The following ATR variants were observed in gnomAD, a reference collection of about 807,000 sequenced individuals.
The protein encoded by ATR is ATR checkpoint kinase.
ATR carries 142 observed loss-of-function variants against 305.3 expected under a neutral mutation model. The observed-to-expected ratio is 0.47, with a 90% CI of 0.41 to 0.53. The LOEUF is 0.53. ATR is among the 20% of genes least tolerant of loss of function. The pLI, the probability that ATR is intolerant of heterozygous loss-of-function variation, is 0.00. For synonymous variants in ATR, 1,050 were observed against 1,068.1 expected, an observed-to-expected ratio of 0.98 and a Z score of 0.33; for missense variants, 2,135 against 3,133.1, an observed-to-expected ratio of 0.68 and a Z score of 7.60.
At chr3:142,550,936 C>T (rs1330959441) in intron 13 of ATR, among the ~76,000 whole-genome samples, 2 of 151,960 alleles carry the variant, frequency 1.3e-5, no homozygotes, top group South Asian at 2.1e-4. Flanking sequence ...TACAGATGCC[C>T]GCCCCATGCC....
intron 36 of ATR, among the ~76,000 whole-genome samples, chr3:142,470,935 T>C (rs1396499756): frequency 1.3e-5 from 2 of 152,296 alleles, no homozygotes; most frequent in Middle Eastern, 3.4e-3. Context: ...TGGTAAAACA[T>C]ACATAACATA....
intron 21 of ATR, among the ~76,000 whole-genome samples, chr3:142,531,189 G>A (rs1477563646): frequency 1.3e-5 from 2 of 152,136 alleles, no homozygotes; most frequent in East Asian, 3.8e-4. Context: ...AAATTCAGAT[G>A]TAGGCATCCA....
At position 142,553,866 on chromosome 3, in the gene ATR, T is replaced by C. The variant is rs778414220; in HGVS notation, c.2491A>G (p.Ile831Val). 4.2e-5 allele frequency: 67 copies of C among 1,613,554 alleles called. No individual in the cohort carries two copies. The highest frequency in any genetic ancestry group is 5.1e-5 in the Non-Finnish European group (60 of 1,179,774). The change falls in exon 11 of 47, where the codon ATA becomes GTA. Residue 831 changes from isoleucine (I) to valine (V), a missense_variant. By Grantham distance (29) the Ile-to-Val change is conservative. This residue lies in a region of ATR where 530 missense variants were observed against 766.8 expected (regional missense o/e 0.69). Coordinates refer to ENST00000350721, the MANE Select transcript of ATR (RefSeq NM_001184.4). ...TCTTCAGAGTCCAAGGATTCCAATA[T>C]GTGCTTGATATTTCCACTAAAAGCC... Reference protein sequence around the residue: ...RVAFSGNIKHILESLDSEDGF... With the variant: ...RVAFSGNIKHVLESLDSEDGF...
chr3:142,553,881 C>G lies in ATR; in HGVS notation c.2476G>C (p.Gly826Arg), dbSNP rs745529495. ...GATTCCAATATGTGCTTGATATTTC[C>G]ACTAAAAGCCACTCTAACATCTTTG... ...PDKDVRVAFSGNIKHILESLD... is the reference protein window; with the variant it reads ...PDKDVRVAFSRNIKHILESLD... The change falls in exon 11 of 47, where the codon GGA (glycine) becomes CGA (arginine). Residue 826 changes from glycine to arginine, a missense_variant. Coordinates refer to ENST00000350721, the MANE Select transcript of ATR (RefSeq NM_001184.4). 6.2e-7 allele frequency: 1 copy of G among 1,613,420 alleles called. No homozygotes were observed. The highest frequency in any genetic ancestry group is 1.3e-5 in the African/African-American group (1 of 75,020).
intron 13 of ATR, among the ~76,000 whole-genome samples, chr3:142,553,019 G>A (rs2034533555): frequency 6.6e-6 from 1 of 152,072 alleles, no homozygotes; most frequent in African/African-American, 2.4e-5. Context: ...TTATACCTAG[G>A]TGATGAGATG....
intron 23 of ATR, 146 bp downstream of exon 23, chr3:142,522,582 T>C: frequency 2.7e-6 from 2 of 741,750 alleles, no homozygotes; most frequent in East Asian, 2.7e-5. Context: ...GGTATGCTTC[T>C]GTACTCTAAA....
rs766396565 is a variant in ATR at position 142,553,948 on chromosome 3, T to A, written c.2409A>T (p.Lys803Asn). Residue 803 changes from lysine (K) to asparagine (N), a missense_variant, in exon 11 of 47, where the codon AAA (lysine) becomes AAT (asparagine). By Grantham distance (94) the Lys-to-Asn change is moderately conservative. This residue lies in a region of ATR where 530 missense variants were observed against 766.8 expected (regional missense o/e 0.69). Coordinates refer to ENST00000350721, the MANE Select transcript of ATR (RefSeq NM_001184.4). ...AATTTAATAAAGTTCCAAGAACTGC[T>A]TTTACATCTGTTTCATCTTCTCTAA... ...LDFREDETDVKAVLGTLLNLM... is the reference protein window; with the variant it reads ...LDFREDETDVNAVLGTLLNLM... 10 of 1,610,792 alleles carry A rather than the reference T, an allele frequency of 6.2e-6. No homozygotes were observed. The highest frequency in any genetic ancestry group is 1.7e-5 in the Admixed American group (1 of 59,646).
At chr3:142,502,873 C>A (rs1485706665) in intron 30 of ATR, among the ~76,000 whole-genome samples, 1 of 152,216 alleles carries the variant, frequency 6.6e-6, no homozygotes, top group Non-Finnish European at 1.5e-5. Context: ...TGTTTTGCCA[C>A]ATACATGTAT....
At position 142,498,656 on chromosome 3, in the gene ATR, A is replaced by G; in HGVS notation, c.5499T>C (p.Pro1833=). 6.2e-7 allele frequency: 1 copy of G among 1,614,098 alleles called. No homozygotes were observed. Among genetic ancestry groups the G allele is most frequent in the Non-Finnish European group, 8.5e-7 (1 of 1,180,004 alleles). Residue 1833 remains proline, a synonymous_variant, in exon 32 of 47, where the codon CCT becomes CCC. Transcript: ENST00000350721. ...CTCTTTCAAAGCTTGCAGCTGAAAG[A>G]GGTACAATTTGTTCTGCTCTCACTA... The part of the protein sequence containing the change: ...LKLVRAEQIV[P]LSAASFERGS...
intron 29 of ATR, 49 bp downstream of exon 29, chr3:142,505,090 C>T (rs2108354731): frequency 6.2e-7 from 1 of 1,603,218 alleles, no homozygotes; most frequent in Non-Finnish European, 8.5e-7. Flanking sequence ...TTCCAGAGTT[C>T]CTATTCAGGG....
chr3:142,503,712 C>T (rs993548408), intron 29 of ATR, among the ~76,000 whole-genome samples: 1 of 152,138 alleles, frequency 6.6e-6, no homozygotes, highest in African/African-American at 2.4e-5. Context: ...CCACCATGCC[C>T]AGTCACACCT....
intron 16 of ATR, 130 bp from the exon 17 acceptor site, chr3:142,542,887 GTTAA>G (rs2034106105): frequency 1.4e-6 from 1 of 738,746 alleles, no homozygotes; most frequent in Non-Finnish European, 2.3e-6. Flanking sequence ...TAAACACTTG[GTTAA>G]TTAAGTTTCT....
chr3:142,540,795 C>T (rs2034022888), intron 18 of ATR, 109 bp downstream of exon 18: 1 of 1,283,392 alleles, frequency 7.8e-7, no homozygotes, highest in Admixed American at 2.3e-5. Context: ...AGTCTTTCTA[C>T]CTTATTTATT....
At chr3:142,565,292 C>A (rs1414771471) in intron 3 of ATR, among the ~76,000 whole-genome samples, 1 of 152,074 alleles carries the variant, frequency 6.6e-6, no homozygotes, top group Admixed American at 6.6e-5. Context: ...CAGAAAAAAA[C>A]TTCTTGGAGG....
rs1168521872 is a variant in ATR, at chr3:142,566,173, T to A, written c.240A>T (p.Pro80=). 1 of 1,614,054 alleles carries A rather than the reference T, an allele frequency of 6.2e-7. No individual in the cohort carries two copies. Among genetic ancestry groups the A allele is most frequent in the African/African-American group, 1.3e-5 (1 of 75,002 alleles). The part of the protein sequence containing the change: ...DFIQHIMKSS[P]LMFVNVSGSH... Reference sequence around the variant, plus strand: ...TTCCACTCACATTTACAAACATAAGTGGGGAGGATTTCATGATATGCTGGA... The same window carrying A: ...TTCCACTCACATTTACAAACATAAGAGGGGAGGATTTCATGATATGCTGGA... The change falls in exon 3 of 47, where the codon CCA becomes CCT. Residue 80 remains proline, a synonymous_variant. Coordinates refer to ENST00000350721, the MANE Select transcript of ATR (RefSeq NM_001184.4).
intron 16 of ATR, among the ~76,000 whole-genome samples, chr3:142,543,509 CTT>C (rs2034140125): frequency 6.8e-6 from 1 of 146,718 alleles, no homozygotes; most frequent in Non-Finnish European, 1.5e-5. Context: ...CTTCCTCCCT[CTT>C]TCTCTTTCTT....
In ATR at chr3:142,566,182, T is replaced by C. The variant is rs757386287; in HGVS notation, c.231A>G (p.Lys77=). ...CATTTACAAACATAAGTGGGGAGGA[T>C]TTCATGATATGCTGGATGAAATCAA... ...MLLDFIQHIM[K]SSPLMFVNVS... is the part of the protein sequence containing the mutation. Residue 77 remains lysine, a synonymous_variant, in exon 3 of 47, where the codon AAA becomes AAG. Coordinates refer to ENST00000350721, the MANE Select transcript of ATR (RefSeq NM_001184.4). 1 of 1,614,158 alleles carries C rather than the reference T, an allele frequency of 6.2e-7. No homozygotes were observed. Among genetic ancestry groups the C allele is most frequent in the South Asian group, 1.1e-5 (1 of 91,090 alleles).
In ATR at chr3:142,567,210, T is replaced by C. The variant is rs543022646; in HGVS notation, c.151+853A>G. Among the ~76,000 whole-genome samples, 10 of 152,216 alleles carry C rather than the reference T, an allele frequency of 6.6e-5. No homozygotes were observed. The South Asian group carries it at 1.9e-3, about 28-fold the overall frequency. Reference sequence around the variant, plus strand: ...CCAGTGGGGCGCCAAACAAACCAACTAATAATTATAATACAATATGGTAAC... The same window carrying C: ...CCAGTGGGGCGCCAAACAAACCAACCAATAATTATAATACAATATGGTAAC... On this transcript the variant is annotated intron_variant, in intron 2 of 46. Coordinates refer to ENST00000350721, the MANE Select transcript of ATR (RefSeq NM_001184.4).
intron 27 of ATR, among the ~76,000 whole-genome samples, chr3:142,509,921 C>T (rs1313285499): frequency 6.6e-6 from 1 of 151,854 alleles, no homozygotes; most frequent in Admixed American, 6.6e-5. Flanking sequence ...TTTGGGACCA[C>T]CCTGGGCAGT....
Sources: allele counts gnomAD v4.1 joint callset (sites outside exome capture counted in the v4.1 genomes callset), GRCh38; gene constraint gnomAD v4.1.1; regional missense constraint gnomAD v4.1.1; transcripts MANE v1.5; gene names NCBI Gene and HGNC (gene_info 2026-07-23, HGNC 2026-07-21).